CSMD1: variants seen among roughly 807,000 people sequenced by gnomAD.
The protein encoded by CSMD1 is CUB and Sushi multiple domains 1.
Under a neutral mutation model 417.5 loss-of-function variants are expected in CSMD1, and 213 were observed. The ratio of observed to expected loss-of-function variants is 0.51; its 90% CI spans 0.46 to 0.57. CSMD1 has a LOEUF of 0.57. Ranked by LOEUF, CSMD1 falls within the 20% of genes least tolerant of loss-of-function variation. The pLI is 0.00. For synonymous variants in CSMD1, 2,862 were observed against 1,736.8 expected (o/e 1.65, Z -16.11); for missense variants, 6,923 against 4,529.7 (o/e 1.53, Z -15.17).
intron 2 of CSMD1, among the ~76,000 whole-genome samples, chr8:4,489,359 C>G (rs976956576): frequency 2.6e-5 from 4 of 152,228 alleles, no homozygotes; most frequent in African/African-American, 9.6e-5. Flanking sequence ...TGTTTGCTTA[C>G]ACACATCCAT....
At chr8:3,994,409 G>T (rs1427649793) in intron 5 of CSMD1, among the ~76,000 whole-genome samples, 1 of 127,914 alleles carries the variant, frequency 7.8e-6, no homozygotes, top group Non-Finnish European at 1.6e-5. Flanking sequence ...GATATTATTA[G>T]AAGTACAAGT....
At chr8:4,650,651 T>C (rs1754322398) in intron 1 of CSMD1, among the ~76,000 whole-genome samples, 1 of 134,080 alleles carries the variant, frequency 7.5e-6, no homozygotes, top group Non-Finnish European at 1.6e-5. Context: ...TCTGTGGCCT[T>C]GAGTTAAAAA....
At chr8:4,658,921 T>C (rs905874045) in intron 1 of CSMD1, among the ~76,000 whole-genome samples, 6 of 152,138 alleles carry the variant, frequency 3.9e-5, no homozygotes, top group Admixed American at 2.0e-4. Context: ...TACGTTGATA[T>C]TAATAGAACT....
At chr8:4,010,377 C>T (rs1221016957) in intron 4 of CSMD1, among the ~76,000 whole-genome samples, 2 of 152,144 alleles carry the variant, frequency 1.3e-5, no homozygotes, top group Admixed American at 1.3e-4. Context: ...ACTTCGGGCC[C>T]TCTGTCAGCC....
chr8:4,210,706 T>C (rs1242624437), intron 3 of CSMD1, among the ~76,000 whole-genome samples: 1 of 152,192 alleles, frequency 6.6e-6, no homozygotes, highest in African/African-American at 2.4e-5. Flanking sequence ...GCTCATTTAA[T>C]TGTAATGTTA....
intron 1 of CSMD1, among the ~76,000 whole-genome samples, chr8:4,691,844 C>T (rs1249005296): frequency 6.6e-6 from 1 of 152,196 alleles, no homozygotes; most frequent in African/African-American, 2.4e-5. Flanking sequence ...TTTAATGGGC[C>T]AGTGTTTTCA....
rs1563173370 is a variant in CSMD1 at position 2,950,362 on chromosome 8, T to G, written c.10202-19A>C. The G allele has an allele frequency of 6.7e-7, 1 of 1,488,094 alleles. No individual in the cohort carries two copies. Among genetic ancestry groups the G allele is most frequent in the Non-Finnish European group, 9.4e-7 (1 of 1,065,420 alleles). The allele number at this position is 1,488,094 out of a possible 1,614,324, so 92.2% of individuals were successfully genotyped here. A position where few individuals can be genotyped will look rare whatever the true frequency, so the allele number is the denominator to read the frequency against. On this transcript the variant is annotated intron_variant, in intron 66 of 69. Coordinates refer to ENST00000635120, the MANE Select transcript of CSMD1 (RefSeq NM_033225.6). ...TAAATGCCTGTGAAAAGATCAGCAG[T>G]TTAGGCTTACCTTGGAGAAAGTTAG...
intron 27 of CSMD1, among the ~76,000 whole-genome samples, chr8:3,228,056 C>A (rs111675175): frequency 6.6e-6 from 1 of 152,154 alleles, no homozygotes; most frequent in Admixed American, 6.5e-5. Context: ...GTGTGAGCCA[C>A]CACACCCAGA....
Position 4,423,144 on chromosome 8 carries a change from G to A in CSMD1, c.303-3079C>T, listed in dbSNP as rs561749696. ...CTGCCTAAGACTGGAAACAAGTCAA[G>A]AAATTTGAACAAGTCAAGAATGCTT... On this transcript the variant is annotated intron_variant, in intron 2 of 69. Transcript: ENST00000635120. Among the ~76,000 whole-genome samples, 10 of 152,130 alleles carry A rather than the reference G, an allele frequency of 6.6e-5. No individual in the cohort carries two copies. In the South Asian group the frequency reaches 2.1e-3, roughly 31 times the overall value.
intron 3 of CSMD1, among the ~76,000 whole-genome samples, chr8:4,175,196 G>T (rs910292148): frequency 2.6e-5 from 4 of 151,846 alleles, no homozygotes; most frequent in African/African-American, 9.7e-5. Context: ...TTCTTACTGG[G>T]GAAAATTGAG....
At chr8:4,890,718 G>A (rs184743728) in intron 1 of CSMD1, among the ~76,000 whole-genome samples, 9 of 152,232 alleles carry the variant, frequency 5.9e-5, no homozygotes, top group East Asian at 1.9e-4. Context: ...TTATTAGGTC[G>A]CTGCAAAAGT....
At chr8:4,869,733 C>G (rs185917700) in intron 1 of CSMD1, among the ~76,000 whole-genome samples, 1 of 151,962 alleles carries the variant, frequency 6.6e-6, no homozygotes, top group African/African-American at 2.4e-5. Flanking sequence ...AGTAATAAAA[C>G]GTTCCATGGA....
intron 50 of CSMD1, among the ~76,000 whole-genome samples, chr8:3,030,763 G>A (rs1333493509): frequency 6.6e-6 from 1 of 152,012 alleles, no homozygotes; most frequent in Non-Finnish European, 1.5e-5. Flanking sequence ...GGGATTACAG[G>A]AATCAGCCAC....
chr8:4,438,862 C>G (rs895910116), intron 2 of CSMD1, among the ~76,000 whole-genome samples: 1 of 152,262 alleles, frequency 6.6e-6, no homozygotes, highest in Non-Finnish European at 1.5e-5. Context: ...ATCTGTATCA[C>G]GTTCCCTTGA....
intron 8 of CSMD1, among the ~76,000 whole-genome samples, chr8:3,597,736 A>C (rs1037612048): frequency 1.3e-5 from 2 of 152,186 alleles, no homozygotes; most frequent in Non-Finnish European, 2.9e-5. Flanking sequence ...TAACACAAGA[A>C]GAGAAAACCA....
At chr8:4,031,876 T>G in intron 4 of CSMD1, 29 bp downstream of exon 4, 1 of 1,568,090 alleles carries the variant, frequency 6.4e-7, no homozygotes, top group Non-Finnish European at 8.7e-7. Context: ...CCCTGGAGTC[T>G]GCTCACCAGC....
intron 3 of CSMD1, among the ~76,000 whole-genome samples, chr8:4,328,405 C>A (rs377508960): frequency 2.6e-5 from 4 of 151,982 alleles, no homozygotes; most frequent in African/African-American, 9.6e-5. Context: ...CTGGTTTCTA[C>A]TTTTGAGTAG....
intron 3 of CSMD1, among the ~76,000 whole-genome samples, chr8:4,332,944 TAA>T: frequency 7.0e-6 from 1 of 143,682 alleles, no homozygotes; most frequent in East Asian, 2.1e-4. Flanking sequence ...TATAAAAATC[TAA>T]AAAAAAAAAA....
At chr8:3,649,357 C>T (rs947393451) in intron 7 of CSMD1, among the ~76,000 whole-genome samples, 2 of 152,110 alleles carry the variant, frequency 1.3e-5, no homozygotes, top group African/African-American at 2.4e-5. Flanking sequence ...TCTAAATGTC[C>T]GCTTTTACAC....
Sources: allele counts gnomAD v4.1 joint callset (sites outside exome capture counted in the v4.1 genomes callset), GRCh38; gene constraint gnomAD v4.1.1; transcripts MANE v1.5; gene names NCBI Gene and HGNC (gene_info 2026-07-23, HGNC 2026-07-21).